The following NRG1 variants were observed in gnomAD, a reference collection of about 807,000 sequenced individuals.
NRG1 encodes neuregulin 1, also known as pro-neuregulin-1, membrane-bound isoform.
Under a neutral mutation model 63.8 loss-of-function variants are expected in NRG1, and 18 were observed. The observed-to-expected ratio is 0.28, with a 90% CI of 0.19 to 0.42. NRG1 has a LOEUF of 0.42. Ranked by LOEUF, NRG1 falls within the 10% of genes least tolerant of loss-of-function variation. The probability of loss-of-function intolerance (pLI) is 1.00; values close to 1 mark genes in which losing one functional copy is unlikely to be tolerated. For missense variants in NRG1, 762 were observed against 814.7 expected (o/e 0.94, Z 0.79); for synonymous variants, 302 against 301.3 (o/e 1.00, Z -0.02).
intron 1 of NRG1, among the ~76,000 whole-genome samples, chr8:31,797,132 T>C (rs1205053200): frequency 6.6e-6 from 1 of 152,226 alleles, no homozygotes; most frequent in Non-Finnish European, 1.5e-5. Flanking sequence ...TGAAACTTGG[T>C]AACATCCAAA....
At chr8:32,697,208 G>A (rs1029198003) in intron 5 of NRG1, among the ~76,000 whole-genome samples, 2 of 152,206 alleles carry the variant, frequency 1.3e-5, no homozygotes, top group Non-Finnish European at 2.9e-5. Flanking sequence ...TTCTGTTGGA[G>A]AATCCCTAGG....
chr8:31,729,448 T>C (rs1813795027), intron 1 of NRG1, among the ~76,000 whole-genome samples: 1 of 152,048 alleles, frequency 6.6e-6, no homozygotes, highest in South Asian at 2.1e-4. Context: ...AAATTTACAA[T>C]TGGAAAATGA....
At chr8:32,399,432 G>A (rs1029932581) in intron 1 of NRG1, among the ~76,000 whole-genome samples, 20 of 152,274 alleles carry the variant, frequency 1.3e-4, no homozygotes, top group African/African-American at 3.6e-4. Flanking sequence ...GGTGGCTCAC[G>A]CCTGTAATCC....
At chr8:32,759,166 A>C in intron 9 of NRG1, 140 bp from the exon 10 acceptor site, 2 of 983,108 alleles carry the variant, frequency 2.0e-6, no homozygotes, top group Non-Finnish European at 2.9e-6. Flanking sequence ...GGGGAAATGG[A>C]ATTTATTACA....
chr8:32,768,562 A>G (rs914433898), downstream of NRG1, among the ~76,000 whole-genome samples: 10 of 152,160 alleles, frequency 6.6e-5, no homozygotes, highest in African/African-American at 2.2e-4. Flanking sequence ...AATCAAACTC[A>G]TGTCTATCTA....
intron 8 of NRG1, among the ~76,000 whole-genome samples, chr8:32,755,135 CT>C (rs1829446507): frequency 6.6e-6 from 1 of 152,084 alleles, no homozygotes; most frequent in Admixed American, 6.6e-5. Flanking sequence ...GCAAAACTTT[CT>C]TTGAAAACAT....
intron 1 of NRG1, among the ~76,000 whole-genome samples, chr8:32,390,627 A>G (rs1318727657): frequency 6.6e-6 from 1 of 151,268 alleles, no homozygotes; most frequent in East Asian, 1.9e-4. Flanking sequence ...AAAGAAGAAG[A>G]AGAAGAAAAG....
chr8:32,589,410 T>A (rs1194682139), intron 1 of NRG1, among the ~76,000 whole-genome samples: 1 of 152,210 alleles, frequency 6.6e-6, no homozygotes, highest in Non-Finnish European at 1.5e-5. Context: ...GCTAACATAA[T>A]TGTCAGTCAC....
chr8:32,619,535 T>C (rs1847966834), intron 5 of NRG1, among the ~76,000 whole-genome samples: 1 of 152,154 alleles, frequency 6.6e-6, no homozygotes, highest in African/African-American at 2.4e-5. Context: ...TAGGTGGCTT[T>C]TGCTGAGAGC....
chr8:32,175,417 G>A (rs1382760507), intron 1 of NRG1, among the ~76,000 whole-genome samples: 1 of 152,126 alleles, frequency 6.6e-6, no homozygotes, highest in Admixed American at 6.5e-5. Context: ...TTTGAAAACT[G>A]GCACAAGACA....
intron 1 of NRG1, among the ~76,000 whole-genome samples, chr8:32,320,877 G>A (rs1267485779): frequency 2.6e-5 from 4 of 152,232 alleles, no homozygotes; most frequent in South Asian, 2.1e-4. Flanking sequence ...TGATACTAGC[G>A]ATCAACAGCT....
chr8:32,548,164 T>A (rs1833315396), upstream of NRG1: 2 of 945,326 alleles, frequency 2.1e-6, no homozygotes, highest in Non-Finnish European at 2.5e-6. Context: ...CCCGGTGGCG[T>A]GTCCGCGCCT....
intron 1 of NRG1, among the ~76,000 whole-genome samples, chr8:32,085,741 A>G (rs547888490): frequency 9.5e-4 from 144 of 152,324 alleles, no homozygotes; most frequent in South Asian, 9.3e-3. Context: ...CTGGGATTAT[A>G]TTGATGATTT....
At chr8:32,580,426 G>A (rs985722303) in intron 1 of NRG1, among the ~76,000 whole-genome samples, 1 of 152,146 alleles carries the variant, frequency 6.6e-6, no homozygotes, top group Non-Finnish European at 1.5e-5. Context: ...AAAATTTTCT[G>A]AGAACCTAAG....
intron 1 of NRG1, among the ~76,000 whole-genome samples, chr8:32,524,506 T>TC (rs398112368): frequency 2.6e-5 from 4 of 151,834 alleles, no homozygotes; most frequent in Admixed American, 6.6e-5. Context: ...ATTTTTTTTT[T>TC]CTATTGCCCT....
chr8:31,962,918 C>G (rs534861256), intron 1 of NRG1, among the ~76,000 whole-genome samples: 9 of 152,228 alleles, frequency 5.9e-5, no homozygotes, highest in African/African-American at 1.9e-4. Flanking sequence ...CTTTGAGAAG[C>G]CTCATTTATA....
At chr8:32,498,752 C>G (rs1827515445) in intron 1 of NRG1, among the ~76,000 whole-genome samples, 1 of 152,168 alleles carries the variant, frequency 6.6e-6, no homozygotes, top group African/African-American at 2.4e-5. Context: ...TGTTGACTCC[C>G]TATCTTTATA....
chr8:32,247,753 C>A (rs370552475), intron 1 of NRG1, among the ~76,000 whole-genome samples: 20 of 151,972 alleles, frequency 1.3e-4, no homozygotes, highest in East Asian at 9.6e-4. Flanking sequence ...AGGGAGAAGA[C>A]TTTATTAAAT....
intron 1 of NRG1, among the ~76,000 whole-genome samples, chr8:32,211,414 T>C (rs1214565560): frequency 6.6e-6 from 1 of 152,210 alleles, no homozygotes; most frequent in African/African-American, 2.4e-5. Context: ...TTGTGACATG[T>C]GTTGGAATCT....
Sources: allele counts gnomAD v4.1 joint callset (sites outside exome capture counted in the v4.1 genomes callset), GRCh38; gene constraint gnomAD v4.1.1; transcripts MANE v1.5; gene names NCBI Gene and HGNC (gene_info 2026-07-23, HGNC 2026-07-21).